CREM: variants seen among roughly 807,000 people sequenced by gnomAD.
The protein encoded by CREM is cAMP-responsive element modulator.
In CREM, 13 loss-of-function variants were observed where a neutral mutation model predicts 37.3. That is an observed-to-expected ratio of 0.35 (90% confidence interval 0.23 to 0.55). The LOEUF (loss-of-function observed/expected upper bound fraction) is 0.55. Among genes scored for constraint, CREM ranks in the 20% least tolerant of loss-of-function variants. The pLI is 0.88. For synonymous variants in CREM, 124 were observed against 120.2 expected (o/e 1.03, Z -0.21); for missense variants, 296 against 362.3 (o/e 0.82, Z 1.49).
intron 2 of CREM, among the ~76,000 whole-genome samples, chr10:35,139,413 C>T (rs2091114686): frequency 6.6e-6 from 1 of 152,182 alleles, no homozygotes; most frequent in Non-Finnish European, 1.5e-5. Flanking sequence ...AGCCACCATG[C>T]CCAGCCACCA....
intron 2 of CREM, among the ~76,000 whole-genome samples, chr10:35,146,144 T>C (rs1490420136): frequency 1.3e-5 from 2 of 152,248 alleles, no homozygotes; most frequent in Non-Finnish European, 2.9e-5. Context: ...TATAGTTTAC[T>C]GGGGAAGGCC....
chr10:35,211,154 A>T, intron 7 of CREM, 100 bp from the exon 8 acceptor site: 1 of 1,312,042 alleles, frequency 7.6e-7, no homozygotes, highest in East Asian at 2.3e-5. Context: ...CTTACCTAGG[A>T]TCGATTGGCT....
At chr10:35,201,962 C>G (rs1256873524) in intron 6 of CREM, among the ~76,000 whole-genome samples, 1 of 152,162 alleles carries the variant, frequency 6.6e-6, no homozygotes, top group Non-Finnish European at 1.5e-5. Context: ...CACATTAACT[C>G]ATGAAACACC....
chr10:35,144,476 C>T (rs547703770), intron 2 of CREM, among the ~76,000 whole-genome samples: 2 of 152,210 alleles, frequency 1.3e-5, no homozygotes, highest in South Asian at 4.1e-4. Flanking sequence ...TGTGTAAATA[C>T]AGATTTGGGA....
chr10:35,163,663 A>G (rs2093400961), intron 3 of CREM, among the ~76,000 whole-genome samples: 1 of 152,100 alleles, frequency 6.6e-6, no homozygotes, highest in Non-Finnish European at 1.5e-5. Context: ...TCTATTAAAA[A>G]TACAAAAAGT....
At chr10:35,157,656 A>AG (rs2093002919) in intron 3 of CREM, among the ~76,000 whole-genome samples, 1 of 147,328 alleles carries the variant, frequency 6.8e-6, no homozygotes, top group Non-Finnish European at 1.5e-5. Context: ...AAAAAAAAAA[A>AG]GTCACAGATG....
chr10:35,187,146 A>AAT (rs1491136088), intron 5 of CREM, among the ~76,000 whole-genome samples: 6 of 64,014 alleles, frequency 9.4e-5, no homozygotes, highest in African/African-American at 6.5e-5. Context: ...ATTAATATAT[A>AAT]ATATATATAA....
At position 35,178,156 on chromosome 10, in the gene CREM, A is replaced by G. The variant is rs151119379; in HGVS notation, c.169-733A>G. ...TCAAAGTATTAATAATTGACTGAAT[A>G]TATCAAAATCAGTCATGTTGTTGAA... On this transcript the variant is annotated intron_variant, in intron 3 of 7. Coordinates refer to ENST00000685392, the MANE Select transcript of CREM (RefSeq NM_183011.2). Among the ~76,000 whole-genome samples, 34 of 152,318 alleles carry G rather than the reference A, an allele frequency of 2.2e-4. No homozygotes were observed. The East Asian group carries it at 4.4e-3, about 20-fold the overall frequency.
intron 6 of CREM, among the ~76,000 whole-genome samples, chr10:35,191,858 A>G (rs1363473310): frequency 6.6e-6 from 1 of 152,042 alleles, no homozygotes; most frequent in African/African-American, 2.4e-5. Flanking sequence ...TCCTGACTCC[A>G]GCTGGTTCCT....
At chr10:35,139,746 A>T (rs1171778439) in intron 2 of CREM, among the ~76,000 whole-genome samples, 1 of 152,226 alleles carries the variant, frequency 6.6e-6, no homozygotes, top group Non-Finnish European at 1.5e-5. Context: ...TCTATGAGAC[A>T]TCTCTTCAAT....
At chr10:35,133,216 A>G (rs1056093424) in intron 1 of CREM, among the ~76,000 whole-genome samples, 1 of 151,998 alleles carries the variant, frequency 6.6e-6, no homozygotes, top group South Asian at 2.1e-4. Context: ...AAGAACTTAG[A>G]TTGTTTGGCA....
intron 5 of CREM, among the ~76,000 whole-genome samples, chr10:35,184,904 A>T (rs541298896): frequency 7.9e-5 from 12 of 152,252 alleles, no homozygotes; most frequent in African/African-American, 2.9e-4. Flanking sequence ...GTTATTTAAA[A>T]GCTTGATAAT....
At position 35,212,439 on chromosome 10, in the gene CREM, C is replaced by T. The variant is rs1205307902; in HGVS notation, c.*1041C>T. Reference sequence around the variant, plus strand: ...ACATTTACTACAGTTTTTAACTCTACTGTGTAATATAAAAGATCTTGCAGA... The same window carrying T: ...ACATTTACTACAGTTTTTAACTCTATTGTGTAATATAAAAGATCTTGCAGA... On this transcript the variant is annotated 3_prime_UTR_variant, in exon 8 of 8. Coordinates refer to ENST00000685392, the MANE Select transcript of CREM (RefSeq NM_183011.2). 22 of 152,690 alleles carry T rather than the reference C, an allele frequency of 1.4e-4. No homozygotes were observed. The highest frequency in any genetic ancestry group is 1.0e-4 in the Non-Finnish European group (7 of 68,034). 9.5% of individuals were successfully genotyped at this position (152,690 alleles called of 1,614,324 possible).
intron 6 of CREM, chr10:35,201,434 G>A (rs1423230939): frequency 1.9e-6 from 3 of 1,551,248 alleles, no homozygotes; most frequent in Admixed American, 2.0e-5. Flanking sequence ...ATGAGATACT[G>A]TATCCCCATT....
intron 2 of CREM, among the ~76,000 whole-genome samples, chr10:35,142,732 A>G (rs2091593005): frequency 6.6e-6 from 1 of 152,050 alleles, no homozygotes; most frequent in African/African-American, 2.4e-5. Context: ...CACCCTCCTG[A>G]GTAGCTGGGA....
chr10:35,145,534 A>T (rs2091976031), intron 2 of CREM, among the ~76,000 whole-genome samples: 1 of 152,176 alleles, frequency 6.6e-6, no homozygotes, highest in African/African-American at 2.4e-5. Flanking sequence ...TAATCCCAGC[A>T]CTTTGGGAGG....
chr10:35,187,003 T>TG (rs2094601705), intron 5 of CREM, among the ~76,000 whole-genome samples: 1 of 87,892 alleles, frequency 1.1e-5, no homozygotes, highest in Non-Finnish European at 1.9e-5. Context: ...ATATATTATA[T>TG]ATAATATAAT....
At chr10:35,196,138 G>T (rs746429714) in intron 6 of CREM, 2 of 1,609,766 alleles carry the variant, frequency 1.2e-6, no homozygotes, top group Non-Finnish European at 1.7e-6. Context: ...CCCTGCATGC[G>T]CCTGGTGAGA....
chr10:35,201,318 A>T, intron 6 of CREM: 1 of 876,554 alleles, frequency 1.1e-6, no homozygotes, highest in Non-Finnish European at 1.8e-6. Flanking sequence ...TTCAGAACTT[A>T]AGGAGGGGAA....
Sources: gnomAD v4.1 joint callset for allele counts (sites outside exome capture counted in the v4.1 genomes callset) on GRCh38, gnomAD v4.1.1 for gene constraint, MANE v1.5 for transcripts, NCBI Gene and HGNC (gene_info 2026-07-23, HGNC 2026-07-21) for gene names.